The following SLC25A43 variants were observed in gnomAD, a reference collection of about 807,000 sequenced individuals.
The protein encoded by SLC25A43 is solute carrier family 25 member 43, also known as solute carrier family 25, member 43.
In SLC25A43, 10 loss-of-function variants were observed where a neutral mutation model predicts 22.8. The observed-to-expected ratio is 0.44, with a 90% CI of 0.27 to 0.74. SLC25A43 has a LOEUF of 0.74. SLC25A43 is among the 30% of genes least tolerant of loss of function. The pLI, the probability that SLC25A43 is intolerant of heterozygous loss-of-function variation, is 0.17. For missense variants in SLC25A43, 233 were observed against 279.1 expected, an observed-to-expected ratio of 0.83 and a Z score of 1.18; for synonymous variants, 106 against 121.6, an observed-to-expected ratio of 0.87 and a Z score of 0.84.
chrX:119,407,947 G>A (rs2052312985), intron 2 of SLC25A43, among the ~76,000 whole-genome samples: 1 of 110,575 alleles, frequency 9.0e-6, no homozygotes, highest in Non-Finnish European at 1.9e-5. Flanking sequence ...GACTCTCAGG[G>A]TCTCCCACAG....
chrX:119,435,336 G>A (rs1302641130), intron 3 of SLC25A43, among the ~76,000 whole-genome samples: 1 of 109,941 alleles, frequency 9.1e-6, no homozygotes. Context: ...TGATGCTGTT[G>A]AAATTGGTAA....
intron 1 of SLC25A43, among the ~76,000 whole-genome samples, chrX:119,403,002 T>C (rs185609468): frequency 1.1e-4 from 12 of 111,789 alleles, no homozygotes; most frequent in Admixed American, 2.8e-4. Flanking sequence ...TCCTAGTTCA[T>C]CAAGTCATTC....
At chrX:119,446,362 G>A (rs62599426) in intron 3 of SLC25A43, among the ~76,000 whole-genome samples, 4,218 of 110,548 alleles carry the variant, frequency 0.038, 84 homozygotes, top group Non-Finnish European at 0.063. Flanking sequence ...CAACTAACTG[G>A]AATATAAAAC....
chrX:119,421,014 A>G (rs1434065773), intron 3 of SLC25A43, among the ~76,000 whole-genome samples: 1 of 103,349 alleles, frequency 9.7e-6, no homozygotes, highest in African/African-American at 3.6e-5. Flanking sequence ...CAGGAGGCTG[A>G]GGCGGGAGGA....
intron 3 of SLC25A43, among the ~76,000 whole-genome samples, chrX:119,417,026 G>A (rs2052407615): frequency 9.0e-6 from 1 of 111,706 alleles, no homozygotes; most frequent in African/African-American, 3.3e-5. Flanking sequence ...GCCACTTCAT[G>A]CCTAGTTCAA....
At chrX:119,448,076 C>T (rs1403381662) in intron 3 of SLC25A43, among the ~76,000 whole-genome samples, 1 of 111,733 alleles carries the variant, frequency 8.9e-6, no homozygotes, top group Admixed American at 9.6e-5. Context: ...GTTCATGGCA[C>T]TTCTGTCTAT....
chrX:119,449,112 G>A (rs1048818880), intron 3 of SLC25A43, among the ~76,000 whole-genome samples: 1 of 110,408 alleles, frequency 9.1e-6, no homozygotes, highest in African/African-American at 3.3e-5. Context: ...AATGCGTTCT[G>A]GCTGTAGTAT....
intron 3 of SLC25A43, among the ~76,000 whole-genome samples, chrX:119,417,771 TAAA>T (rs199624214): frequency 2.1e-5 from 2 of 93,482 alleles, no homozygotes. Context: ...ATGATGGTTG[TAAA>T]AAAAAAAAAA....
intron 3 of SLC25A43, among the ~76,000 whole-genome samples, chrX:119,421,140 A>AG (rs2052449994): frequency 1.0e-5 from 1 of 98,802 alleles, no homozygotes; most frequent in Non-Finnish European, 2.0e-5. Context: ...AAAAAAAAAA[A>AG]GCCTTCAAAT....
Position 119,399,340 on chromosome X carries a change from C to T in SLC25A43, c.-64C>T. 1 of 842,200 alleles carries T rather than the reference C, an allele frequency of 1.2e-6. No homozygotes were observed. Among genetic ancestry groups the T allele is most frequent in the Non-Finnish European group, 1.5e-6 (1 of 668,324 alleles). 69.4% of individuals were successfully genotyped at this position (842,200 alleles called of 1,213,427 possible). ...GGGCGGGGCCTGGGGCCCGCCACCT[C>T]CGCCCGTGGCCGGAGAGCCCCAGGC... On this transcript the variant is annotated 5_prime_UTR_variant, in exon 1 of 5. Coordinates refer to ENST00000217909, the MANE Select transcript of SLC25A43 (RefSeq NM_145305.3).
intron 3 of SLC25A43, among the ~76,000 whole-genome samples, chrX:119,450,971 T>C (rs781277392): frequency 2.7e-5 from 3 of 111,671 alleles, no homozygotes; most frequent in Admixed American, 1.9e-4. Context: ...CAGACCAGCC[T>C]GGCCAACATC....
intron 2 of SLC25A43, among the ~76,000 whole-genome samples, chrX:119,408,431 G>GC (rs1207669938): frequency 9.0e-6 from 1 of 110,854 alleles, no homozygotes; most frequent in East Asian, 2.9e-4. Flanking sequence ...ATTTCATATA[G>GC]CCCCCCTGTT....
In SLC25A43 at chrX:119,450,900, C is replaced by A. The variant is rs774412914; in HGVS notation, c.691-1109C>A. 5.3e-5 allele frequency among the ~76,000 whole-genome samples: 6 copies of A among 112,416 alleles called. No individual in the cohort carries two copies. In the East Asian group the frequency reaches 1.7e-3, roughly 31 times the overall value. ...GAGGATGGCTGGGTGCAGTGGCTCA[C>A]GCCTGTAATCCTAGCACTTTGGGAG... is the stretch of plus-strand genomic sequence containing the variant. On this transcript the variant is annotated intron_variant, in intron 3 of 4. Transcript: ENST00000217909.
chrX:119,441,707 G>A (rs1170240425), intron 3 of SLC25A43, among the ~76,000 whole-genome samples: 2 of 111,430 alleles, frequency 1.8e-5, no homozygotes. Context: ...TTCCTGGGAA[G>A]CACCAAGAAA....
intron 3 of SLC25A43, among the ~76,000 whole-genome samples, chrX:119,425,892 T>A (rs1004414361): frequency 1.8e-5 from 2 of 111,545 alleles, no homozygotes; most frequent in African/African-American, 6.5e-5. Flanking sequence ...AAAATCACTC[T>A]GTCCTCTTCC....
intron 2 of SLC25A43, 56 bp from the exon 3 acceptor site, chrX:119,410,134 C>T: frequency 4.3e-6 from 5 of 1,165,386 alleles, no homozygotes; most frequent in Non-Finnish European, 5.8e-6. Flanking sequence ...AATTTATGTT[C>T]TCAAGCCAGT....
intron 3 of SLC25A43, among the ~76,000 whole-genome samples, chrX:119,427,719 C>T (rs2052520035): frequency 8.9e-6 from 1 of 112,121 alleles, no homozygotes; most frequent in African/African-American, 3.2e-5. Context: ...ACAGCTTAGT[C>T]ATCAGGTCCT....
chrX:119,451,647 C>A (rs1037617291), intron 3 of SLC25A43, among the ~76,000 whole-genome samples: 3 of 111,349 alleles, frequency 2.7e-5, no homozygotes, highest in African/African-American at 9.8e-5. Flanking sequence ...AGGGGAAGGA[C>A]CAGTAAAGAC....
intron 1 of SLC25A43, among the ~76,000 whole-genome samples, chrX:119,401,059 A>G (rs750169398): frequency 3.6e-5 from 4 of 111,450 alleles, no homozygotes; most frequent in Non-Finnish European, 7.5e-5. Context: ...CACCTAGTAT[A>G]TGCACATTAG....
Sources: allele counts gnomAD v4.1 joint callset (sites outside exome capture counted in the v4.1 genomes callset), GRCh38; gene constraint gnomAD v4.1.1; transcripts MANE v1.5; gene names NCBI Gene and HGNC (gene_info 2026-07-23, HGNC 2026-07-21).